The following ZNF777 variants were observed in gnomAD, a reference collection of about 807,000 sequenced individuals.
The protein encoded by ZNF777 is zinc finger protein 777.
ZNF777 carries 7 observed loss-of-function variants against 72.1 expected under a neutral mutation model. The observed-to-expected ratio is 0.10, with a 90% CI of 0.06 to 0.18. The LOEUF (loss-of-function observed/expected upper bound fraction) is 0.18, where lower values mean the gene tolerates loss of function less well. Among genes scored for constraint, ZNF777 ranks in the 10% least tolerant of loss-of-function variants. ZNF777 has a pLI of 1.00. For synonymous variants in ZNF777, 545 were observed against 483.5 expected, an observed-to-expected ratio of 1.13 and a Z score of -1.67; for missense variants, 828 against 1,128.6, an observed-to-expected ratio of 0.73 and a Z score of 3.82.
At position 149,431,417 on chromosome 7, in the gene ZNF777, A is replaced by G. The variant is rs1273454788; in HGVS notation, c.*359T>C. On this transcript the variant is annotated 3_prime_UTR_variant, in exon 6 of 6. Transcript: ENST00000247930. ...AATAGAACCACAGTATCCAAAAGGT[A>G]ATTATAAAGTTCTATCCCCAACTAG... 2.4e-6 allele frequency: 1 copy of G among 417,860 alleles called. No individual in the cohort carries two copies. The highest frequency in any genetic ancestry group is 4.7e-6 in the Non-Finnish European group (1 of 213,598). 25.9% of individuals were successfully genotyped at this position (417,860 alleles called of 1,614,324 possible).
In ZNF777 at chr7:149,432,648, C is replaced by A; in HGVS notation, c.1624G>T (p.Gly542Cys). The change falls in exon 6 of 6, where the codon GGC becomes TGC. Residue 542 changes from glycine (G) to cysteine (C), a missense_variant. Transcript: ENST00000247930. Reference protein sequence around the residue: ...ASSQQQRNRRGERPFTCMECG... With the variant: ...ASSQQQRNRRCERPFTCMECG... ...TCCATGCATGTGAAGGGCCGCTCGC[C>A]GCGCCGGTTCCGCTGCTGCTGGCTC... 6.2e-7 allele frequency: 1 copy of A among 1,613,560 alleles called. No individual in the cohort carries two copies. Among genetic ancestry groups the A allele is most frequent in the South Asian group, 1.1e-5 (1 of 91,042 alleles).
chr7:149,434,591 T>C (rs573647868), intron 5 of ZNF777, among the ~76,000 whole-genome samples: 3 of 151,856 alleles, frequency 2.0e-5, no homozygotes, highest in African/African-American at 7.3e-5. Context: ...TTTCTTTTAA[T>C]TTATTTTTTG....
At chr7:149,437,229 GC>G (rs1389582573) in intron 4 of ZNF777, among the ~76,000 whole-genome samples, 7 of 152,184 alleles carry the variant, frequency 4.6e-5, no homozygotes, top group African/African-American at 1.7e-4. Flanking sequence ...TCCCATCTCA[GC>G]CTCCCAAAGT....
Position 149,432,626 on chromosome 7 carries a change from A to G in ZNF777, c.1646T>C (p.Met549Thr), listed in dbSNP as rs777400640. 2.5e-6 allele frequency: 4 copies of G among 1,612,690 alleles called. No individual in the cohort carries two copies. Among genetic ancestry groups the G allele is most frequent in the Non-Finnish European group, 3.4e-6 (4 of 1,179,382 alleles). ...NRRGERPFTC[M>T]ECGKSFRLKI... is the part of the protein sequence containing the mutation. Reference sequence around the variant, plus strand: ...CAGGCGGAAGCTCTTGCCGCACTCCATGCATGTGAAGGGCCGCTCGCCGCG... The same window carrying G: ...CAGGCGGAAGCTCTTGCCGCACTCCGTGCATGTGAAGGGCCGCTCGCCGCG... Residue 549 changes from methionine to threonine, a missense_variant, in exon 6 of 6, where the codon ATG (methionine) becomes ACG (threonine). By Grantham distance (81) the Met-to-Thr change is moderately conservative (BLOSUM62 -1). Around this residue, in one of 12 missense-constraint regions of ZNF777, gnomAD observed 22 missense variants for 48.3 expected, o/e 0.46. Transcript: ENST00000247930.
chr7:149,440,673 G>GT (rs1554493243), intron 4 of ZNF777, among the ~76,000 whole-genome samples: 771 of 39,212 alleles, frequency 0.02, 4 homozygotes, highest in South Asian at 0.027. Flanking sequence ...TTGTTTTTTT[G>GT]TTTTTTTTTT....
chr7:149,459,650 A>T (rs1164503174), intron 1 of ZNF777: 2 of 985,010 alleles, frequency 2.0e-6, no homozygotes, highest in Non-Finnish European at 2.4e-6. Flanking sequence ...CGTGCCACGG[A>T]TGCCTTGCTA....
chr7:149,456,001 G>T lies in ZNF777; in HGVS notation c.22C>A (p.Pro8Thr), dbSNP rs768768963. 2.9e-5 allele frequency: 46 copies of T among 1,594,848 alleles called. No individual in the cohort carries two copies. The highest frequency in any genetic ancestry group is 3.9e-5 in the Non-Finnish European group (46 of 1,170,044). ...TGTGGAACACTGGGGAACGACAGAGGTGATGAGCGTTGGTTCTCCATGTCC... is the reference window on the plus strand; with the variant it reads ...TGTGGAACACTGGGGAACGACAGAGTTGATGAGCGTTGGTTCTCCATGTCC... MENQRSSPLSFPSVPQEE... is the reference protein window; with the variant it reads MENQRSSTLSFPSVPQEE... The change falls in exon 2 of 6, where the codon CCT becomes ACT. Residue 8 changes from proline to threonine, a missense_variant. Physicochemically the swap from Pro to Thr is conservative, Grantham distance 38. Transcript: ENST00000247930.
At chr7:149,454,324 C>T in intron 2 of ZNF777, 87 bp from the exon 3 acceptor site, 1 of 1,559,862 alleles carries the variant, frequency 6.4e-7, no homozygotes, top group Middle Eastern at 1.7e-4. Flanking sequence ...AAACTCCTGG[C>T]TCTGGGCCTT....
intron 4 of ZNF777, among the ~76,000 whole-genome samples, chr7:149,450,789 G>A (rs561429940): frequency 7.9e-5 from 12 of 152,268 alleles, no homozygotes; most frequent in Middle Eastern, 3.4e-3. Flanking sequence ...AAAAATTCCT[G>A]AGACAGTGAA....
At position 149,432,245 on chromosome 7, in the gene ZNF777, T is replaced by C. The variant is rs1482789727; in HGVS notation, c.2027A>G (p.His676Arg). 3 of 1,609,152 alleles carry C rather than the reference T, an allele frequency of 1.9e-6. No individual in the cohort carries two copies. The South Asian group carries it at 3.3e-5, about 18-fold the overall frequency. Reference protein sequence around the residue: ...CPECKKSFRLHISLVIHQRVH... With the variant: ...CPECKKSFRLRISLVIHQRVH... ...GCGCTGATGGATCACCAAGCTGATG[T>C]GCAGGCGGAAGCTCTTCTTGCACTC... The change falls in exon 6 of 6, where the codon CAC (histidine) becomes CGC (arginine). Residue 676 changes from histidine (H) to arginine (R), a missense_variant. Around this residue, in one of 12 missense-constraint regions of ZNF777, gnomAD observed 26 missense variants for 62.1 expected, o/e 0.42. Transcript: ENST00000247930.
At position 149,431,852 on chromosome 7, in the gene ZNF777, G is replaced by A; in HGVS notation, c.2420C>T (p.Pro807Leu). 1 of 1,605,038 alleles carries A rather than the reference G, an allele frequency of 6.2e-7. No homozygotes were observed. The highest frequency in any genetic ancestry group is 8.5e-7 in the Non-Finnish European group (1 of 1,179,326). The change falls in exon 6 of 6, where the codon CCC becomes CTC. Residue 807 changes from proline (P) to leucine (L), a missense_variant. Pro to Leu is a moderately conservative substitution (Grantham distance 98). Coordinates refer to ENST00000247930, the MANE Select transcript of ZNF777 (RefSeq NM_015694.3). ...QRAHTGERPY[P>L]CTHCAKCFRY... ...GAAGCACTTGGCGCAGTGCGTGCAG[G>A]GGTAGGGCCGCTCGCCCGTGTGCGC...
chr7:149,449,148 C>T (rs1305122740), intron 4 of ZNF777, among the ~76,000 whole-genome samples: 1 of 152,168 alleles, frequency 6.6e-6, no homozygotes. Flanking sequence ...ATGGCGAGGC[C>T]GGGGCCTTTG....
At position 149,433,817 on chromosome 7, in the gene ZNF777, T is replaced by C. The variant is rs1316858256; in HGVS notation, c.1340-885A>G. Among the ~76,000 whole-genome samples the C allele has an allele frequency of 3.3e-5, 5 of 152,238 alleles. 1 individual carries two copies. ...TCTAGCCTGGTCCTTTATGATAATGTAAGTTTTAGAGAAAAGAAGTGGCTC... is the reference window on the plus strand; with the variant it reads ...TCTAGCCTGGTCCTTTATGATAATGCAAGTTTTAGAGAAAAGAAGTGGCTC... On this transcript the variant is annotated intron_variant, in intron 5 of 5. Transcript: ENST00000247930.
At chr7:149,457,282 T>C (rs903123624) in intron 1 of ZNF777, among the ~76,000 whole-genome samples, 11 of 152,224 alleles carry the variant, frequency 7.2e-5, no homozygotes, top group African/African-American at 2.2e-4. Flanking sequence ...AGTATCTTTA[T>C]TGGAACCTAA....
chr7:149,436,787 T>C lies in ZNF777; in HGVS notation c.1127A>G (p.Asn376Ser). ...CTCCAAACTTTCTGAGCCCTCGTCG[T>C]TGGTCTGTACCTCGATCTTAATCAC... is the stretch of plus-strand genomic sequence containing the variant. ...GIVIKIEVQT[N>S]DEGSESLETP... The change falls in exon 5 of 6, where the codon AAC becomes AGC. Residue 376 changes from asparagine to serine, a missense_variant. Coordinates refer to ENST00000247930, the MANE Select transcript of ZNF777 (RefSeq NM_015694.3). This position sits in a 1 kb window ranked among gnomAD's most constrained non-coding sequence, Gnocchi z 5.0. 6.2e-7 allele frequency: 1 copy of C among 1,614,150 alleles called. No homozygotes were observed. Among genetic ancestry groups the C allele is most frequent in the Non-Finnish European group, 8.5e-7 (1 of 1,179,992 alleles).
At chr7:149,443,152 C>CA (rs1219776987) in intron 4 of ZNF777, among the ~76,000 whole-genome samples, 62 of 152,046 alleles carry the variant, frequency 4.1e-4, no homozygotes, top group Non-Finnish European at 5.9e-5. Flanking sequence ...ACATCAATGG[C>CA]AGAGTATTTA....
intron 4 of ZNF777, among the ~76,000 whole-genome samples, chr7:149,448,485 CTATATA>C (rs61005836): frequency 0.41 from 43,113 of 104,790 alleles, 8,838 homozygotes; most frequent in East Asian, 0.51. Context: ...CAAAACAAAA[CTATATA>C]TATATATATA....
At chr7:149,457,067 A>G (rs1799848549) in intron 1 of ZNF777, among the ~76,000 whole-genome samples, 1 of 152,194 alleles carries the variant, frequency 6.6e-6, no homozygotes, top group Non-Finnish European at 1.5e-5. Flanking sequence ...GAAGTAGAGC[A>G]GAAGTCAGCT....
chr7:149,434,631 G>A (rs1203312577), intron 5 of ZNF777, among the ~76,000 whole-genome samples: 1 of 152,138 alleles, frequency 6.6e-6, no homozygotes, highest in Non-Finnish European at 1.5e-5. Flanking sequence ...CGCTCAGGCT[G>A]GAGTGCAGTG....
Sources: allele counts gnomAD v4.1 joint callset (sites outside exome capture counted in the v4.1 genomes callset), GRCh38; gene constraint gnomAD v4.1.1; regional missense constraint gnomAD v4.1.1; non-coding constraint Gnocchi (gnomAD v3.1); transcripts MANE v1.5; gene names NCBI Gene and HGNC (gene_info 2026-07-23, HGNC 2026-07-21).